Variants in PLCD4 observed in about 807,000 individuals in gnomAD.
The protein encoded by PLCD4 is phospholipase C delta 4.
PLCD4 carries 63 observed loss-of-function variants against 90.2 expected under a neutral mutation model. The ratio of observed to expected loss-of-function variants is 0.70; its 90% confidence interval spans 0.57 to 0.86. The LOEUF is 0.86. PLCD4 is among the 40% of genes least tolerant of loss of function. The pLI is 0.00. For synonymous variants in PLCD4, 294 were observed against 356.5 expected (o/e 0.82, Z 1.97); for missense variants, 830 against 956.3 (o/e 0.87, Z 1.74).
intron 4 of PLCD4, among the ~76,000 whole-genome samples, chr2:218,620,110 G>A (rs756531392): frequency 1.7e-4 from 26 of 152,110 alleles, no homozygotes; most frequent in Non-Finnish European, 3.8e-4. Context: ...TAACTCCTGG[G>A]CTCAAGTGGT....
At chr2:218,613,167 G>A (rs1307430695) in intron 1 of PLCD4, among the ~76,000 whole-genome samples, 1 of 152,064 alleles carries the variant, frequency 6.6e-6, no homozygotes, top group East Asian at 1.9e-4. Flanking sequence ...GAGGCGGGTG[G>A]ATCACCTGAG....
At chr2:218,621,621 T>C (rs1031292053) in intron 5 of PLCD4, 22 bp downstream of exon 5, 19 of 1,613,096 alleles carry the variant, frequency 1.2e-5, no homozygotes, top group Non-Finnish European at 1.5e-5. Context: ...GGGAAGGATT[T>C]CCAGCGGCCA....
chr2:218,611,843 C>G (rs185185405), intron 1 of PLCD4, among the ~76,000 whole-genome samples: 1 of 152,356 alleles, frequency 6.6e-6, no homozygotes, highest in Non-Finnish European at 1.5e-5. Context: ...AAGTGATCCA[C>G]CTGCCTCAGC....
rs755857870 is a variant in PLCD4, at chr2:218,630,729, C to T, written c.1199C>T (p.Thr400Ile). Residue 400 changes from threonine to isoleucine, a missense_variant, in exon 9 of 16, where the codon ACT (threonine) becomes ATT (isoleucine). Transcript: ENST00000450993. Reference sequence around the variant, plus strand: ...CAGCAGACCATGGCCCGTCATCTGACTGAGATCCTGGGGGAGCAGCTGCTG... The same window carrying T: ...CAGCAGACCATGGCCCGTCATCTGATTGAGATCCTGGGGGAGCAGCTGCTG... ...EQQQTMARHL[T>I]EILGEQLLST... The T allele has an allele frequency of 2.5e-6, 4 of 1,614,064 alleles. No individual in the cohort carries two copies. Among genetic ancestry groups the T allele is most frequent in the Non-Finnish European group, 3.4e-6 (4 of 1,179,902 alleles).
intron 6 of PLCD4, among the ~76,000 whole-genome samples, chr2:218,624,968 C>T (rs1489162358): frequency 3.3e-5 from 5 of 150,888 alleles, no homozygotes; most frequent in Admixed American, 6.6e-5. Context: ...AAAAATTAGC[C>T]GGGTATGGTG....
intron 6 of PLCD4, among the ~76,000 whole-genome samples, chr2:218,624,595 T>C (rs1696021013): frequency 1.3e-5 from 2 of 151,964 alleles, no homozygotes; most frequent in East Asian, 3.9e-4. Flanking sequence ...GGTGCACGCT[T>C]GTAATTCCAG....
chr2:218,626,332 T>G (rs1159521609), intron 6 of PLCD4, among the ~76,000 whole-genome samples: 1 of 151,654 alleles, frequency 6.6e-6, no homozygotes, highest in Non-Finnish European at 1.5e-5. Flanking sequence ...TTGTGAAACC[T>G]GGAGCAAGGA....
rs1346376703 is a variant in PLCD4 at position 218,630,759 on chromosome 2, C to A, written c.1229C>A (p.Thr410Asn). 6.2e-7 allele frequency: 1 copy of A among 1,613,952 alleles called. No homozygotes were observed. The highest frequency in any genetic ancestry group is 1.1e-5 in the South Asian group (1 of 91,064). The change falls in exon 9 of 16, where the codon ACC becomes AAC. Residue 410 changes from threonine (T) to asparagine (N), a missense_variant. Thr to Asn is a moderately conservative substitution (Grantham distance 65). Coordinates refer to ENST00000450993, the MANE Select transcript of PLCD4 (RefSeq NM_032726.4). ...TEILGEQLLS[T>N]TLDGVLPTQL... ...ATCCTGGGGGAGCAGCTGCTGAGCA[C>A]CACCTTGGATGGGGTGCTGCCCACT... is the stretch of plus-strand genomic sequence containing the variant.
At chr2:218,616,108 G>A (rs1695568753) in intron 3 of PLCD4, 46 bp downstream of exon 3, 3 of 1,596,304 alleles carry the variant, frequency 1.9e-6, no homozygotes, top group Non-Finnish European at 2.6e-6. Flanking sequence ...GTGGATAGAG[G>A]CCTGAGGAGC....
intron 4 of PLCD4, among the ~76,000 whole-genome samples, chr2:218,620,552 TA>T (rs1559266728): frequency 1.3e-5 from 2 of 150,858 alleles, no homozygotes; most frequent in African/African-American, 4.9e-5. Flanking sequence ...TATTTATTTA[TA>T]ATAAATAAAT....
rs772584670 is a variant in PLCD4, at chr2:218,634,477, T to TG, written c.1744dup (p.Ala582GlyfsTer4). ...CCTCAGTGGCCATGAATATGCAGAC[T>TG]GCAGGGCTTGAAATGGACATCTGTG... On this transcript the variant is annotated frameshift_variant, in exon 13 of 16. Transcript: ENST00000450993. LOFTEE classifies it high-confidence loss of function. The surrounding 1 kb of genome is among the most constrained non-coding windows in gnomAD (Gnocchi z 4.0). 2.5e-6 allele frequency: 4 copies of TG among 1,613,878 alleles called. No individual in the cohort carries two copies. In the East Asian group the frequency reaches 8.9e-5, roughly 36 times the overall value.
Position 218,619,380 on chromosome 2 carries a change from G to A in PLCD4, c.410+573G>A, listed in dbSNP as rs541222139. Among the ~76,000 whole-genome samples, 7 of 151,826 alleles carry A rather than the reference G, an allele frequency of 4.6e-5. No individual in the cohort carries two copies. The South Asian group carries it at 1.0e-3, about 23-fold the overall frequency. ...ACAATCTCAGCTCACTGCAACCTCT[G>A]CCTCCCAGGTTCCAGCGATTCTCCT... On this transcript the variant is annotated intron_variant, in intron 4 of 15. Transcript: ENST00000450993.
In PLCD4 at chr2:218,634,017, G is replaced by A; in HGVS notation, c.1607-88G>A. On this transcript the variant is annotated intron_variant, in intron 11 of 15. Coordinates refer to ENST00000450993, the MANE Select transcript of PLCD4 (RefSeq NM_032726.4). The surrounding 1 kb of genome is among the most constrained non-coding windows in gnomAD (Gnocchi z 4.0). Reference sequence around the variant, plus strand: ...TGGAGCCAGCTTCAGATGCTGGAGAGAAGGGTGAAGAGTAGGCATGGTCCT... The same window carrying A: ...TGGAGCCAGCTTCAGATGCTGGAGAAAAGGGTGAAGAGTAGGCATGGTCCT... 1 of 1,499,576 alleles carries A rather than the reference G, an allele frequency of 6.7e-7. No homozygotes were observed. Among genetic ancestry groups the A allele is most frequent in the East Asian group, 2.5e-5 (1 of 40,638 alleles). 92.9% of individuals were successfully genotyped at this position (1,499,576 alleles called of 1,614,324 possible). A position where few individuals can be genotyped will look rare whatever the true frequency, so the allele number is the denominator to read the frequency against.
chr2:218,627,125 G>T (rs1459790020), intron 6 of PLCD4, among the ~76,000 whole-genome samples: 1 of 151,574 alleles, frequency 6.6e-6, no homozygotes, highest in African/African-American at 2.4e-5. Context: ...GCCGGGTGTA[G>T]TGGGGGGCGC....
At position 218,628,053 on chromosome 2, in the gene PLCD4, T is replaced by C; in HGVS notation, c.797T>C (p.Met266Thr). The change falls in exon 7 of 16, where the codon ATG (methionine) becomes ACG (threonine). Residue 266 changes from methionine (M) to threonine (T), a missense_variant. By Grantham distance (81) the Met-to-Thr change is moderately conservative (BLOSUM62 -1). Coordinates refer to ENST00000450993, the MANE Select transcript of PLCD4 (RefSeq NM_032726.4). ...GGCAAACTGCGGCATGTGCTGAGTA[T>C]GGATGGCTTCCTCAGCTACCTCTGC... ...DSGKLRHVLS[M>T]DGFLSYLCSK... The C allele has an allele frequency of 1.2e-6, 2 of 1,613,926 alleles. No individual in the cohort carries two copies. Among genetic ancestry groups the C allele is most frequent in the Non-Finnish European group, 1.7e-6 (2 of 1,179,852 alleles).
chr2:218,615,765 A>G lies in PLCD4; in HGVS notation c.22+4A>G, dbSNP rs373959667. ...ATGGCGTCCCTGCTGCAAGACCGTGAGTGCCGGGGCCCCTGCAGGGGAAGA... is the reference window on the plus strand; with the variant it reads ...ATGGCGTCCCTGCTGCAAGACCGTGGGTGCCGGGGCCCCTGCAGGGGAAGA... On this transcript the variant is annotated splice_donor_region_variant and intron_variant, in intron 2 of 15. Coordinates refer to ENST00000450993, the MANE Select transcript of PLCD4 (RefSeq NM_032726.4). The G allele has an allele frequency of 5.4e-5, 86 of 1,606,510 alleles. No homozygotes were observed. The highest frequency in any genetic ancestry group is 7.0e-5 in the Non-Finnish European group (82 of 1,176,320).
chr2:218,628,847 T>C (rs1198088541), intron 7 of PLCD4: 4 of 153,684 alleles, frequency 2.6e-5, no homozygotes, highest in African/African-American at 9.6e-5. Context: ...GTTTCCACCT[T>C]AGGAAGTCTA....
intron 6 of PLCD4, among the ~76,000 whole-genome samples, chr2:218,624,591 C>T (rs56142536): frequency 0.022 from 3,321 of 151,656 alleles, 122 homozygotes; most frequent in African/African-American, 0.076. Context: ...TGGTGGTGCA[C>T]GCTTGTAATT....
At chr2:218,611,799 A>G (rs1166187620) in intron 1 of PLCD4, among the ~76,000 whole-genome samples, 3 of 151,838 alleles carry the variant, frequency 2.0e-5, no homozygotes, top group African/African-American at 7.3e-5. Context: ...GGGTTTCACT[A>G]TGTTGGCGAG....
Sources: gnomAD v4.1 joint callset for allele counts (sites outside exome capture counted in the v4.1 genomes callset) on GRCh38, gnomAD v4.1.1 for gene constraint, Gnocchi (gnomAD v3.1) non-coding constraint, MANE v1.5 for transcripts, NCBI Gene and HGNC (gene_info 2026-07-23, HGNC 2026-07-21) for gene names.